Variants in DHX34 observed in about 807,000 individuals in gnomAD.
DHX34 encodes DExH-box helicase 34.
A neutral mutation model predicts 111.1 loss-of-function variants in DHX34; 96 were observed. The observed-to-expected ratio is 0.86, with a 90% CI of 0.73 to 1.02. The LOEUF (loss-of-function observed/expected upper bound fraction) is 1.02. Ranked by LOEUF, DHX34 falls within the 50% of genes least tolerant of loss-of-function variation. DHX34 has a pLI of 0.00. For synonymous variants in DHX34, 688 were observed against 670.4 expected (o/e 1.03, Z -0.41); for missense variants, 1,560 against 1,579.9 (o/e 0.99, Z 0.21).
intron 5 of DHX34, among the ~76,000 whole-genome samples, chr19:47,361,411 T>C (rs1969627287): frequency 6.6e-6 from 1 of 151,846 alleles, no homozygotes. Flanking sequence ...TGACCTGTGA[T>C]TGTGCCACTG....
intron 2 of DHX34, among the ~76,000 whole-genome samples, chr19:47,354,067 A>G (rs1373330228): frequency 6.6e-6 from 1 of 152,182 alleles, no homozygotes; most frequent in East Asian, 1.9e-4. Flanking sequence ...GGTTCAAGCA[A>G]TTCTCCTGCC....
In DHX34 at chr19:47,360,038, C is replaced by G; in HGVS notation, c.1343C>G (p.Thr448Ser). 4 of 1,614,070 alleles carry G rather than the reference C, an allele frequency of 2.5e-6. No individual in the cohort carries two copies. The highest frequency in any genetic ancestry group is 3.4e-6 in the Non-Finnish European group (4 of 1,180,004). The part of the protein sequence containing the change: ...LSTNIAETSV[T>S]IDGIRFVVDS... ...ACCAACATTGCTGAGACCTCAGTCA[C>G]CATTGACGGGATCCGCTTCGTAGTA... is the stretch of plus-strand genomic sequence containing the variant. The change falls in exon 5 of 17, where the codon ACC (threonine) becomes AGC (serine). Residue 448 changes from threonine to serine, a missense_variant. By Grantham distance (58) the Thr-to-Ser change is moderately conservative. Coordinates refer to ENST00000328771, the MANE Select transcript of DHX34 (RefSeq NM_014681.6).
Position 47,376,491 on chromosome 19 carries a change from G to A in DHX34, c.2530G>A (p.Val844Ile), listed in dbSNP as rs376387877. ...KQGAVLHPTC[V>I]FAGSPEVLHA... Reference sequence around the variant, plus strand: ...GGGCGCCGTGCTGCACCCCACCTGCGTCTTCGCTGGCAGCCCCGAGGTGCT... The same window carrying A: ...GGGCGCCGTGCTGCACCCCACCTGCATCTTCGCTGGCAGCCCCGAGGTGCT... Residue 844 changes from valine to isoleucine, a missense_variant, in exon 12 of 17, where the codon GTC becomes ATC. Transcript: ENST00000328771. 27 of 1,607,952 alleles carry A rather than the reference G, an allele frequency of 1.7e-5. No homozygotes were observed. The highest frequency in any genetic ancestry group is 5.6e-5 in the South Asian group (5 of 89,990).
intron 7 of DHX34, among the ~76,000 whole-genome samples, chr19:47,372,318 C>T (rs1969988406): frequency 6.6e-6 from 1 of 152,038 alleles, no homozygotes; most frequent in Admixed American, 6.6e-5. Context: ...ACAGGTGACA[C>T]TCTAGCGCGG....
At chr19:47,381,513 C>T (rs770533458) in intron 16 of DHX34, 189 bp downstream of exon 16, 4 of 793,198 alleles carry the variant, frequency 5.0e-6, no homozygotes, top group South Asian at 2.0e-5. Context: ...GAGCCTGGAG[C>T]GCCACCTCTT....
intron 13 of DHX34, 26 bp from the exon 14 acceptor site, chr19:47,379,684 C>T (rs1568408422): frequency 4.4e-6 from 7 of 1,575,360 alleles, no homozygotes; most frequent in Non-Finnish European, 6.1e-6. Context: ...CCACCTACTC[C>T]CTGTCTTCTG....
rs1206131722 is a variant in DHX34, at chr19:47,357,904, C to G, written c.1056C>G (p.Ser352=). ...YQPQEAEPTT[S]KSEKLDPRPF... ...CGCAGGAGGCGGAGCCGACCACGTC[C>G]AAGTCAGAGAAGCTGGACCCGCGGC... is the stretch of plus-strand genomic sequence containing the variant. The change falls in exon 4 of 17, where the codon TCC becomes TCG. Residue 352 remains serine (S), a synonymous_variant. Coordinates refer to ENST00000328771, the MANE Select transcript of DHX34 (RefSeq NM_014681.6). The G allele has an allele frequency of 6.2e-7, 1 of 1,613,830 alleles. No homozygotes were observed. The highest frequency in any genetic ancestry group is 1.7e-5 in the Admixed American group (1 of 60,006).
At chr19:47,362,806 T>C (rs1969676883) in intron 6 of DHX34, 113 bp downstream of exon 6, 5 of 1,060,518 alleles carry the variant, frequency 4.7e-6, no homozygotes, top group Admixed American at 3.2e-5. Context: ...CGTCTTGCTC[T>C]GTCACTCAGG....
In DHX34 at chr19:47,367,129, C is replaced by G. The variant is rs368492075; in HGVS notation, c.1742C>G (p.Ala581Gly). ...EALTPIGSLL[A>G]QLPVDVVIGK... is the part of the protein sequence containing the mutation. The stretch of plus-strand genomic sequence containing the variant: ...CTCACACCCATTGGGTCCCTGCTAG[C>G]CCAGCTGCCTGTGGACGTTGTGATT... The change falls in exon 7 of 17, where the codon GCC (alanine) becomes GGC (glycine). Residue 581 changes from alanine (A) to glycine (G), a missense_variant. Coordinates refer to ENST00000328771, the MANE Select transcript of DHX34 (RefSeq NM_014681.6). 124 of 1,567,406 alleles carry G rather than the reference C, an allele frequency of 7.9e-5. No homozygotes were observed. Among genetic ancestry groups the G allele is most frequent in the Admixed American group, 2.3e-4 (12 of 53,146 alleles).
At position 47,353,218 on chromosome 19, in the gene DHX34, T is replaced by C; in HGVS notation, c.188T>C (p.Phe63Ser). The C allele has an allele frequency of 6.2e-7, 1 of 1,614,096 alleles. No homozygotes were observed. Among genetic ancestry groups the C allele is most frequent in the South Asian group, 1.1e-5 (1 of 91,080 alleles). The stretch of plus-strand genomic sequence containing the variant: ...GAGGAATGTCAGAAGTTTTGGACCT[T>C]CTTTGAACGCCTGCAGAGATTCCAG... ...GSEECQKFWTFFERLQRFQNL... is the reference protein window; with the variant it reads ...GSEECQKFWTSFERLQRFQNL... Residue 63 changes from phenylalanine (F) to serine (S), a missense_variant, in exon 2 of 17, where the codon TTC becomes TCC. Phe to Ser is a radical substitution (Grantham distance 155). Coordinates refer to ENST00000328771, the MANE Select transcript of DHX34 (RefSeq NM_014681.6). The surrounding 1 kb of genome is among the most constrained non-coding windows in gnomAD (Gnocchi z 4.6).
At chr19:47,380,774 C>T (rs767414603) in intron 14 of DHX34, 42 bp from the exon 15 acceptor site, 40 of 1,611,170 alleles carry the variant, frequency 2.5e-5, no homozygotes, top group Non-Finnish European at 3.3e-5. Flanking sequence ...GCGGCATCTC[C>T]CTGAGTCTGT....
In DHX34 at chr19:47,377,120, A is replaced by G. The variant is rs1351853316; in HGVS notation, c.2620A>G (p.Ser874Gly). 6.8e-6 allele frequency: 11 copies of G among 1,613,940 alleles called. No homozygotes were observed. Among genetic ancestry groups the G allele is most frequent in the East Asian group, 2.2e-5 (1 of 44,884 alleles). Residue 874 changes from serine (S) to glycine (G), a missense_variant, in exon 13 of 17, where the codon AGC becomes GGC. Ser to Gly is a moderately conservative substitution (Grantham distance 56). Coordinates refer to ENST00000328771, the MANE Select transcript of DHX34 (RefSeq NM_014681.6). ...GSRDDKDKMS[S>G]KHQLLSFVSL... ...TTCAGACGACAAGGACAAGATGAGCAGCAAACACCAGCTCCTCAGCTTCGT... is the reference window on the plus strand; with the variant it reads ...TTCAGACGACAAGGACAAGATGAGCGGCAAACACCAGCTCCTCAGCTTCGT...
At chr19:47,376,187 A>C (rs1970150369) in intron 11 of DHX34, 90 bp downstream of exon 11, 11 of 1,497,254 alleles carry the variant, frequency 7.3e-6, no homozygotes, top group Non-Finnish European at 9.8e-6. Context: ...GTGGTGACTG[A>C]AACAACCCTG....
intron 1 of DHX34, among the ~76,000 whole-genome samples, 187 bp from the exon 2 acceptor site, chr19:47,352,567 C>T (rs953214548): frequency 3.3e-5 from 5 of 151,876 alleles, no homozygotes; most frequent in African/African-American, 1.2e-4. Flanking sequence ...CCCAGCTGCT[C>T]GGGAGGCTGA....
At chr19:47,376,824 C>T (rs1970177944) in intron 12 of DHX34, 3 of 1,526,778 alleles carry the variant, frequency 2.0e-6, no homozygotes, top group Middle Eastern at 2.3e-4. Flanking sequence ...GGTCAGGGGG[C>T]CTGTCCTATG....
chr19:47,360,579 G>C (rs1024333452), intron 5 of DHX34, among the ~76,000 whole-genome samples: 4 of 152,038 alleles, frequency 2.6e-5, no homozygotes, highest in African/African-American at 9.7e-5. Context: ...ATGTCCACCC[G>C]TCAGAGAGGC....
At chr19:47,371,086 C>G (rs1969952088) in intron 7 of DHX34, among the ~76,000 whole-genome samples, 1 of 152,216 alleles carries the variant, frequency 6.6e-6, no homozygotes, top group Non-Finnish European at 1.5e-5. Context: ...TGTGGACTTT[C>G]CGTTATTTCA....
intron 7 of DHX34, among the ~76,000 whole-genome samples, chr19:47,369,593 G>A (rs1196222691): frequency 4.6e-5 from 7 of 152,170 alleles, no homozygotes; most frequent in Admixed American, 1.3e-4. Context: ...GTGAAAACAC[G>A]GAATGTCAGC....
At chr19:47,379,513 G>A in intron 13 of DHX34, 197 bp from the exon 14 acceptor site, 2 of 916,134 alleles carry the variant, frequency 2.2e-6, no homozygotes, top group South Asian at 5.0e-5. Flanking sequence ...CCCCTTCCCT[G>A]ACTCAGCGGC....
Sources: gnomAD v4.1 joint callset for allele counts (sites outside exome capture counted in the v4.1 genomes callset) on GRCh38, gnomAD v4.1.1 for gene constraint, Gnocchi (gnomAD v3.1) non-coding constraint, MANE v1.5 for transcripts, NCBI Gene and HGNC (gene_info 2026-07-23, HGNC 2026-07-21) for gene names.